HUWE1: variants seen among roughly 807,000 people sequenced by gnomAD.
HUWE1 encodes E3 ubiquitin-protein ligase HUWE1.
In HUWE1, 18 loss-of-function variants were observed where a neutral mutation model predicts 299.4. That is an observed-to-expected ratio of 0.06 (90% CI 0.04 to 0.09). The LOEUF (loss-of-function observed/expected upper bound fraction) is 0.09, where lower values mean the gene tolerates loss of function less well. HUWE1 is among the 10% of genes least tolerant of loss of function. HUWE1 has a pLI of 1.00. For missense variants in HUWE1, 1,832 were observed against 3,462.3 expected, an observed-to-expected ratio of 0.53 and a Z score of 11.82; for synonymous variants, 1,317 against 1,286.1, an observed-to-expected ratio of 1.02 and a Z score of -0.51.
intron 47 of HUWE1, among the ~76,000 whole-genome samples, 190 bp from the exon 48 acceptor site, chrX:53,570,017 A>G (rs782399538): frequency 8.9e-6 from 1 of 112,842 alleles, no homozygotes; most frequent in South Asian, 3.7e-4. Flanking sequence ...CAGATTTTAG[A>G]AAACTTCCAA....
chrX:53,647,326 T>C (rs1204712204), intron 6 of HUWE1, 42 bp downstream of exon 6: 2 of 957,321 alleles, frequency 2.1e-6, no homozygotes, highest in African/African-American at 3.8e-5. Flanking sequence ...ATGTACACAA[T>C]TCTAGTCAAG....
intron 81 of HUWE1, among the ~76,000 whole-genome samples, 167 bp downstream of exon 81, chrX:53,535,217 G>A (rs1056964374): frequency 4.5e-5 from 5 of 112,191 alleles, no homozygotes; most frequent in Middle Eastern, 4.6e-3. Context: ...TTATAGGTGT[G>A]AGCCACCGTG....
chrX:53,562,083 A>C, intron 54 of HUWE1, 28 bp downstream of exon 54: 1 of 1,210,244 alleles, frequency 8.3e-7, no homozygotes, highest in Non-Finnish European at 1.1e-6. Context: ...AGGTCATCTG[A>C]ACCAACCCAA....
chrX:53,557,358 A>C (rs1556936038), intron 60 of HUWE1, 24 bp downstream of exon 60: 2 of 1,185,930 alleles, frequency 1.7e-6, no homozygotes, highest in East Asian at 3.0e-5. Flanking sequence ...ATTAGTAAGA[A>C]GGGAGAAAGG....
chrX:53,560,399 G>A lies in HUWE1; in HGVS notation c.7525C>T (p.Pro2509Ser). Reference sequence around the variant, plus strand: ...GGATGGGTGGTAGGGATATTTCCTGGGGATGGGGGGATGTCTGCTGCAAGG... The same window carrying A: ...GGATGGGTGGTAGGGATATTTCCTGAGGATGGGGGGATGTCTGCTGCAAGG... ...FSSATDIPPS[P>S]GNIPTTHPLM... Residue 2509 changes from proline (P) to serine (S), a missense_variant, in exon 56 of 84, where the codon CCA (proline) becomes TCA (serine). Coordinates refer to ENST00000262854, the MANE Select transcript of HUWE1 (RefSeq NM_031407.7). 1 of 1,209,140 alleles carries A rather than the reference G, an allele frequency of 8.3e-7. No individual in the cohort carries two copies. Among genetic ancestry groups the A allele is most frequent in the Admixed American group, 2.2e-5 (1 of 45,987 alleles).
intron 31 of HUWE1, 58 bp from the exon 32 acceptor site, chrX:53,593,659 G>T: frequency 1.1e-6 from 1 of 924,905 alleles, no homozygotes; most frequent in Non-Finnish European, 1.6e-6. Context: ...GGCAAGGGGG[G>T]TTTACATCTA....
intron 3 of HUWE1, among the ~76,000 whole-genome samples, chrX:53,664,980 C>CT (rs1481545275): frequency 8.9e-6 from 1 of 112,197 alleles, no homozygotes; most frequent in East Asian, 2.8e-4. Flanking sequence ...ATAGCTAACA[C>CT]TTACTCTATA....
chrX:53,583,770 C>A lies in HUWE1; in HGVS notation c.5308G>T (p.Val1770Leu). 2 of 1,210,259 alleles carry A rather than the reference C, an allele frequency of 1.7e-6. No homozygotes were observed. Among genetic ancestry groups the A allele is most frequent in the Non-Finnish European group, 2.2e-6 (2 of 894,616 alleles). Residue 1770 changes from valine to leucine, a missense_variant, in exon 42 of 84, where the codon GTG becomes TTG. Coordinates refer to ENST00000262854, the MANE Select transcript of HUWE1 (RefSeq NM_031407.7). The stretch of plus-strand genomic sequence containing the variant: ...GTGGCATGCAAAGTATCTGGGTCCA[C>A]AGGGACTCCCAGCATGCTCACGCAG... ...RACVSMLGVP[V>L]DPDTLHATLR...
chrX:53,597,476 T>C (rs1175901213), intron 29 of HUWE1, among the ~76,000 whole-genome samples: 1 of 92,397 alleles, frequency 1.1e-5, no homozygotes, highest in Non-Finnish European at 2.1e-5. Flanking sequence ...CTTACCTATA[T>C]AGCTCCTAAC....
chrX:53,604,717 G>C lies in HUWE1; in HGVS notation c.2614C>G (p.Arg872Gly), dbSNP rs782695696. Residue 872 changes from arginine (R) to glycine (G), a missense_variant, in exon 26 of 84, where the codon CGA (arginine) becomes GGA (glycine). Around this residue, in one of 15 missense-constraint regions of HUWE1, gnomAD observed 658 missense variants for 1,282.6 expected, o/e 0.51. Coordinates refer to ENST00000262854, the MANE Select transcript of HUWE1 (RefSeq NM_031407.7). ...IESPGGSVLL[R>G]ELACAGNVAD... Reference sequence around the variant, plus strand: ...ACATTGCCTGCGCAAGCCAGTTCTCGCAACAACACTGAGCCCCCAGGGGAT... The same window carrying C: ...ACATTGCCTGCGCAAGCCAGTTCTCCCAACAACACTGAGCCCCCAGGGGAT... 2.5e-6 allele frequency: 3 copies of C among 1,211,775 alleles called. No individual in the cohort carries two copies. The highest frequency in any genetic ancestry group is 1.8e-5 in the South Asian group (1 of 56,992).
chrX:53,598,606 T>A (rs782077434), intron 29 of HUWE1, among the ~76,000 whole-genome samples: 1 of 112,067 alleles, frequency 8.9e-6, no homozygotes, highest in East Asian at 2.8e-4. Flanking sequence ...TAGCTTACTT[T>A]AAGAATACAG....
intron 29 of HUWE1, among the ~76,000 whole-genome samples, chrX:53,598,637 CG>C (rs1556987178): frequency 8.9e-6 from 1 of 111,984 alleles, no homozygotes; most frequent in Non-Finnish European, 1.9e-5. Flanking sequence ...ATATACAAAA[CG>C]TGTGTCCATC....
intron 8 of HUWE1, among the ~76,000 whole-genome samples, chrX:53,633,859 T>C (rs782659174): frequency 1.6e-4 from 18 of 112,093 alleles, no homozygotes; most frequent in African/African-American, 5.8e-4. Flanking sequence ...CAAGCAGCCA[T>C]TCCTAAATCA....
chrX:53,594,743 A>C, intron 30 of HUWE1, 122 bp from the exon 31 acceptor site: 1 of 677,192 alleles, frequency 1.5e-6, no homozygotes, highest in Non-Finnish European at 2.3e-6. Flanking sequence ...CCACCTACTA[A>C]AGAATACAGG....
chrX:53,556,202 C>A, intron 60 of HUWE1: 1 of 343,379 alleles, frequency 2.9e-6, no homozygotes, highest in African/African-American at 2.6e-5. Flanking sequence ...CTGATGGAGG[C>A]AACACTGCTA....
intron 4 of HUWE1, among the ~76,000 whole-genome samples, chrX:53,650,394 A>G (rs1276037808): frequency 8.9e-6 from 1 of 111,827 alleles, no homozygotes; most frequent in Non-Finnish European, 1.9e-5. Context: ...TCAAGCTTCC[A>G]CAAGGTTTGT....
intron 47 of HUWE1, among the ~76,000 whole-genome samples, chrX:53,572,105 C>G (rs1177653246): frequency 8.9e-6 from 1 of 112,089 alleles, no homozygotes; most frequent in East Asian, 2.8e-4. Context: ...TGGTACATTC[C>G]ACAGTGGAAT....
rs1556980008 is a variant in HUWE1, at chrX:53,592,449, C to T, written c.3921G>A (p.Glu1307=). ...GAGGTTCCCGGCGGGAGCCACCTTCCTCTTGCCCTGTATCCTCTTCTCCTC... is the reference window on the plus strand; with the variant it reads ...GAGGTTCCCGGCGGGAGCCACCTTCTTCTTGCCCTGTATCCTCTTCTCCTC... ...GSRGEEDTGQ[E]EGGSRREPQV... The change falls in exon 33 of 84, where the codon GAG becomes GAA. Residue 1307 remains glutamate (E), a synonymous_variant. Coordinates refer to ENST00000262854, the MANE Select transcript of HUWE1 (RefSeq NM_031407.7). The T allele has an allele frequency of 2.5e-6, 3 of 1,211,151 alleles. No homozygotes were observed. In the South Asian group the frequency reaches 5.3e-5, roughly 21 times the overall value.
chrX:53,602,246 A>C (rs1304740105), intron 28 of HUWE1, among the ~76,000 whole-genome samples: 1 of 110,971 alleles, frequency 9.0e-6, no homozygotes, highest in Non-Finnish European at 1.9e-5. Flanking sequence ...ACCTAACATT[A>C]AGTGAAGAAA....
Sources: allele counts gnomAD v4.1 joint callset (sites outside exome capture counted in the v4.1 genomes callset), GRCh38; gene constraint gnomAD v4.1.1; regional missense constraint gnomAD v4.1.1; transcripts MANE v1.5; gene names NCBI Gene and HGNC (gene_info 2026-07-23, HGNC 2026-07-21).